Variants in INTS3 observed in about 807,000 individuals in gnomAD.
INTS3 encodes SOSS complex subunit A.
INTS3 carries 34 observed loss-of-function variants against 146.3 expected under a neutral mutation model. That is an observed-to-expected ratio of 0.23 (90% CI 0.18 to 0.31). The LOEUF (loss-of-function observed/expected upper bound fraction) is 0.31, where lower values mean the gene tolerates loss of function less well. Among genes scored for constraint, INTS3 ranks in the 10% least tolerant of loss-of-function variants. INTS3 has a pLI of 1.00. For synonymous variants in INTS3, 475 were observed against 494.9 expected (o/e 0.96, Z 0.53); for missense variants, 757 against 1,304.2 (o/e 0.58, Z 6.46).
At chr1:153,766,064 TAAATG>T (rs1320609415) in intron 20 of INTS3, among the ~76,000 whole-genome samples, 1 of 151,620 alleles carries the variant, frequency 6.6e-6, no homozygotes, top group African/African-American at 2.4e-5. Context: ...CATTTTCAGA[TAAATG>T]GAATCAAACT....
chr1:153,769,688 C>G, intron 22 of INTS3, 81 bp from the exon 23 acceptor site: 1 of 886,500 alleles, frequency 1.1e-6, no homozygotes, highest in South Asian at 1.4e-5. Flanking sequence ...CCCTTACGAG[C>G]CCTCCTGCGT....
In INTS3 at chr1:153,773,409, T is replaced by G; in HGVS notation, c.*139T>G. The G allele has an allele frequency of 1.2e-6, 1 of 802,076 alleles. No individual in the cohort carries two copies. Among genetic ancestry groups the G allele is most frequent in the Non-Finnish European group, 2.1e-6 (1 of 479,422 alleles). The allele number at this position is 802,076 out of a possible 1,614,324, so 49.7% of individuals were successfully genotyped here. On this transcript the variant is annotated 3_prime_UTR_variant, in exon 30 of 30. Transcript: ENST00000318967. Reference sequence around the variant, plus strand: ...GCTCCCCCGGTGGAAGGAGGAGCTTTCTCCTCTGGCTGAGTTTGAGAAGCT... The same window carrying G: ...GCTCCCCCGGTGGAAGGAGGAGCTTGCTCCTCTGGCTGAGTTTGAGAAGCT...
chr1:153,761,103 T>TA, intron 13 of INTS3, 185 bp downstream of exon 13: 10 of 1,427,912 alleles, frequency 7.0e-6, no homozygotes, highest in Non-Finnish European at 9.2e-6. Flanking sequence ...GCCATCGTAT[T>TA]ACAAAGGTCT....
intron 1 of INTS3, among the ~76,000 whole-genome samples, chr1:153,732,254 G>A (rs962849497): frequency 1.3e-5 from 2 of 152,006 alleles, no homozygotes; most frequent in Non-Finnish European, 2.9e-5. Flanking sequence ...TTGGTTAGAG[G>A]TATGTCTCTA....
chr1:153,757,727 G>A lies in INTS3; in HGVS notation c.1113G>A (p.Arg371=). The part of the protein sequence containing the change: ...NEVLSSDILP[R]WAIIGWLLTT... ...TACTGAGTTCAGATATCTTGCCCCG[G>A]TGGGCCATCATTGGTTGGCTCCTGA... The change falls in exon 10 of 30, where the codon CGG becomes CGA. Residue 371 remains arginine, a synonymous_variant. Coordinates refer to ENST00000318967, the MANE Select transcript of INTS3 (RefSeq NM_023015.5). This position sits in a 1 kb window ranked among gnomAD's most constrained non-coding sequence, Gnocchi z 4.0. 1.2e-6 allele frequency: 2 copies of A among 1,613,864 alleles called. No homozygotes were observed. Among genetic ancestry groups the A allele is most frequent in the Non-Finnish European group, 8.5e-7 (1 of 1,180,036 alleles).
chr1:153,769,624 A>G (rs1672736066), intron 22 of INTS3, 145 bp from the exon 23 acceptor site: 4 of 626,502 alleles, frequency 6.4e-6, no homozygotes, highest in Non-Finnish European at 1.2e-5. Flanking sequence ...GTTGTGTGCC[A>G]TCTCCTTCCC....
chr1:153,729,531 C>T (rs1462491550), intron 1 of INTS3, among the ~76,000 whole-genome samples: 1 of 152,184 alleles, frequency 6.6e-6, no homozygotes, highest in Non-Finnish European at 1.5e-5. Context: ...GAGTTGATCA[C>T]GTATACCTTT....
In INTS3 at chr1:153,769,857, A is replaced by G; in HGVS notation, c.2389+13A>G. 2 of 1,570,444 alleles carry G rather than the reference A, an allele frequency of 1.3e-6. No homozygotes were observed. Among genetic ancestry groups the G allele is most frequent in the Non-Finnish European group, 1.8e-6 (2 of 1,140,266 alleles). On this transcript the variant is annotated intron_variant, in intron 23 of 29. Coordinates refer to ENST00000318967, the MANE Select transcript of INTS3 (RefSeq NM_023015.5). Reference sequence around the variant, plus strand: ...CTCAACATACTCAGTAAGTGATCAAATCTTTAGGTGCCTGGGAGAGGAGAG... The same window carrying G: ...CTCAACATACTCAGTAAGTGATCAAGTCTTTAGGTGCCTGGGAGAGGAGAG...
At position 153,754,492 on chromosome 1, in the gene INTS3, C is replaced by T. The variant is rs1370900120; in HGVS notation, c.860-150C>T. 4 of 697,874 alleles carry T rather than the reference C, an allele frequency of 5.7e-6. No homozygotes were observed. The East Asian group carries it at 7.4e-5, about 13-fold the overall frequency. 43.2% of individuals were successfully genotyped at this position (697,874 alleles called of 1,614,324 possible). Reference sequence around the variant, plus strand: ...ACGTAAGTGCTGGTTGGAATCCCCACCTGTGCTTGACCTCCCTTGGTCTTG... The same window carrying T: ...ACGTAAGTGCTGGTTGGAATCCCCATCTGTGCTTGACCTCCCTTGGTCTTG... On this transcript the variant is annotated intron_variant, in intron 8 of 29. Transcript: ENST00000318967.
chr1:153,760,981 A>G, intron 13 of INTS3, 63 bp downstream of exon 13: 1 of 1,583,050 alleles, frequency 6.3e-7, no homozygotes, highest in Non-Finnish European at 8.7e-7. Flanking sequence ...AGGTGTATCC[A>G]AATGTTGCCA....
chr1:153,773,233 G>A lies in INTS3; in HGVS notation c.3092G>A (p.Arg1031Gln), dbSNP rs1422447450. Residue 1031 changes from arginine (R) to glutamine (Q), a missense_variant, in exon 30 of 30, where the codon CGA (arginine) becomes CAA (glutamine). This residue lies in a region of INTS3 where 125 missense variants were observed against 165.6 expected (regional missense o/e 0.75). Coordinates refer to ENST00000318967, the MANE Select transcript of INTS3 (RefSeq NM_023015.5). ...DTKPKPTKRK[R>Q]KGSSAVGSDS... ...AAACCGAAGCCTACCAAGCGGAAACGAAAAGGGTCCTCTGCAGTGGGCTCT... is the reference window on the plus strand; with the variant it reads ...AAACCGAAGCCTACCAAGCGGAAACAAAAAGGGTCCTCTGCAGTGGGCTCT... 1 of 1,614,080 alleles carries A rather than the reference G, an allele frequency of 6.2e-7. No homozygotes were observed. Among genetic ancestry groups the A allele is most frequent in the East Asian group, 2.2e-5 (1 of 44,858 alleles).
intron 1 of INTS3, among the ~76,000 whole-genome samples, chr1:153,732,515 A>G (rs1204937412): frequency 6.7e-6 from 1 of 150,044 alleles, no homozygotes; most frequent in African/African-American, 2.5e-5. Context: ...GCGTGATCTC[A>G]GCTAACTGAA....
intron 3 of INTS3, among the ~76,000 whole-genome samples, chr1:153,744,491 C>T (rs1271774640): frequency 6.6e-6 from 1 of 152,216 alleles, no homozygotes; most frequent in Non-Finnish European, 1.5e-5. Context: ...TCATCTCTTT[C>T]TTGTTTCCTT....
intron 9 of INTS3, among the ~76,000 whole-genome samples, chr1:153,756,879 A>G (rs962590647): frequency 1.3e-5 from 2 of 152,246 alleles, no homozygotes; most frequent in Admixed American, 1.3e-4. Context: ...TCACATGCAT[A>G]ATAGCAACCA....
chr1:153,770,869 C>T (rs1173132120), intron 25 of INTS3, 136 bp downstream of exon 25: 3 of 718,768 alleles, frequency 4.2e-6, no homozygotes, highest in Admixed American at 4.2e-5. Flanking sequence ...TGCCCTTCCC[C>T]CAACGTGACT....
At chr1:153,741,258 A>C in intron 2 of INTS3, 27 bp from the exon 3 acceptor site, 1 of 1,555,460 alleles carries the variant, frequency 6.4e-7, no homozygotes, top group Non-Finnish European at 8.9e-7. Flanking sequence ...AGTGACAACT[A>C]GTTTGTTTTC....
chr1:153,764,995 CCTT>C lies in INTS3; in HGVS notation c.2025_2027del (p.Leu676del), dbSNP rs1558006873. The C allele has an allele frequency of 6.2e-7, 1 of 1,614,054 alleles. No individual in the cohort carries two copies. The highest frequency in any genetic ancestry group is 1.1e-5 in the South Asian group (1 of 91,086). On this transcript the variant is annotated inframe_deletion, in exon 20 of 30. Transcript: ENST00000318967. ...ACAGCAGCTTCTCTCTACTTCTAGA[CCTT>C]CTCTCCGAGCTATATCAGAAGCAGC...
At position 153,764,872 on chromosome 1, in the gene INTS3, AC is replaced by A. The variant is rs1477363253; in HGVS notation, c.1971-70del. ...GCTGTGGGCACAGACAGCCCATGCC[AC>A]CTGAGAAACTCCATGGGAGAGTCTG... On this transcript the variant is annotated intron_variant, in intron 19 of 29. Coordinates refer to ENST00000318967, the MANE Select transcript of INTS3 (RefSeq NM_023015.5). The A allele has an allele frequency of 2.5e-6, 4 of 1,597,952 alleles. No individual in the cohort carries two copies. The East Asian group carries it at 8.9e-5, about 36-fold the overall frequency.
chr1:153,763,097 C>A, intron 15 of INTS3, 136 bp from the exon 16 acceptor site: 2 of 1,188,274 alleles, frequency 1.7e-6, no homozygotes, highest in Non-Finnish European at 1.2e-6. Context: ...CAGGGAGATG[C>A]TTCAGGCACT....
Sources: allele counts gnomAD v4.1 joint callset (sites outside exome capture counted in the v4.1 genomes callset), GRCh38; gene constraint gnomAD v4.1.1; regional missense constraint gnomAD v4.1.1; non-coding constraint Gnocchi (gnomAD v3.1); transcripts MANE v1.5; gene names NCBI Gene and HGNC (gene_info 2026-07-23, HGNC 2026-07-21).